Variants in OPN5 observed in about 807,000 individuals in gnomAD.
OPN5 encodes opsin-5.
In OPN5, 18 loss-of-function variants were observed where a neutral mutation model predicts 41.7. That is an observed-to-expected ratio of 0.43 (90% CI 0.30 to 0.64). The LOEUF (loss-of-function observed/expected upper bound fraction) is 0.64. OPN5 is among the 30% of genes least tolerant of loss of function. The pLI is 0.13. For synonymous variants in OPN5, 178 were observed against 164.3 expected (o/e 1.08, Z -0.64); for missense variants, 318 against 434.5 (o/e 0.73, Z 2.38).
intron 6 of OPN5, chr6:47,823,617 G>A (rs189939006): frequency 8.5e-6 from 3 of 353,094 alleles, no homozygotes; most frequent in Non-Finnish European, 1.0e-5. Flanking sequence ...CAGTACAGGT[G>A]AGTAGGGAGA....
At chr6:47,820,966 A>C (rs1158498205) in intron 6 of OPN5, among the ~76,000 whole-genome samples, 1 of 152,200 alleles carries the variant, frequency 6.6e-6, no homozygotes, top group Non-Finnish European at 1.5e-5. Flanking sequence ...GTATTCTTAT[A>C]ATAAAGTAAG....
At chr6:47,794,153 G>A (rs921881262) in intron 3 of OPN5, among the ~76,000 whole-genome samples, 21 of 152,140 alleles carry the variant, frequency 1.4e-4, no homozygotes, top group Admixed American at 6.6e-5. Flanking sequence ...ATATAGTCTT[G>A]CATGCACAAG....
At chr6:47,804,441 A>G (rs1773887011) in intron 4 of OPN5, among the ~76,000 whole-genome samples, 1 of 152,244 alleles carries the variant, frequency 6.6e-6, no homozygotes, top group Admixed American at 6.5e-5. Context: ...AGGAAAGTCA[A>G]AAACAGACTG....
chr6:47,824,361 CTG>C, exon 7 of OPN5: 1 of 293,046 alleles, frequency 3.4e-6, no homozygotes, highest in Non-Finnish European at 6.4e-6. Context: ...GTGTCTCTGA[CTG>C]GAGCAGCTAC....
At chr6:47,799,651 G>A (rs1241307673) in intron 4 of OPN5, among the ~76,000 whole-genome samples, 2 of 152,144 alleles carry the variant, frequency 1.3e-5, no homozygotes, top group Non-Finnish European at 2.9e-5. Flanking sequence ...TCTTGGCTGG[G>A]GCCCTGGGAA....
At chr6:47,803,792 T>C (rs942246001) in intron 4 of OPN5, among the ~76,000 whole-genome samples, 2 of 152,174 alleles carry the variant, frequency 1.3e-5, no homozygotes, top group African/African-American at 4.8e-5. Flanking sequence ...AAATAGTTGT[T>C]CCTAGAAAAT....
intron 4 of OPN5, among the ~76,000 whole-genome samples, chr6:47,795,776 T>TCACACA (rs879658004): frequency 5.1e-4 from 53 of 104,142 alleles, no homozygotes; most frequent in Middle Eastern, 4.5e-3. Context: ...TCTCTCTCTC[T>TCACACA]CTCACACACA....
At chr6:47,807,724 A>G (rs191900418) in intron 4 of OPN5, among the ~76,000 whole-genome samples, 11 of 152,228 alleles carry the variant, frequency 7.2e-5, no homozygotes, top group African/African-American at 2.2e-4. Flanking sequence ...AGAATTTCAA[A>G]CTAGGGCAGA....
At chr6:47,783,213 A>G (rs1773124476) in intron 1 of OPN5, among the ~76,000 whole-genome samples, 1 of 152,152 alleles carries the variant, frequency 6.6e-6, no homozygotes, top group Non-Finnish European at 1.5e-5. Flanking sequence ...ATTTAAATTT[A>G]AGAAAAGAAA....
chr6:47,810,859 TG>T (rs1270232964), intron 5 of OPN5, among the ~76,000 whole-genome samples: 1 of 152,170 alleles, frequency 6.6e-6, no homozygotes, highest in African/African-American at 2.4e-5. Flanking sequence ...TGCTCCACCC[TG>T]GCTGTGTAAT....
chr6:47,787,126 A>G, intron 2 of OPN5: 2 of 980,664 alleles, frequency 2.0e-6, no homozygotes, highest in Non-Finnish European at 2.4e-6. Flanking sequence ...TGCTGATGAT[A>G]TATGTAATCA....
intron 3 of OPN5, among the ~76,000 whole-genome samples, chr6:47,793,000 A>G (rs36086469): frequency 2.5e-5 from 3 of 119,490 alleles, no homozygotes; most frequent in Non-Finnish European, 5.4e-5. Context: ...TTTTTTTTTT[A>G]AAGTTTACAT....
chr6:47,814,312 G>GT (rs1480980309), intron 6 of OPN5, among the ~76,000 whole-genome samples: 6 of 152,058 alleles, frequency 3.9e-5, no homozygotes, highest in African/African-American at 1.4e-4. Flanking sequence ...TTGTACAAAC[G>GT]TCCCTGAAGA....
chr6:47,818,737 T>C (rs1289712605), intron 6 of OPN5, among the ~76,000 whole-genome samples: 1 of 152,170 alleles, frequency 6.6e-6, no homozygotes. Flanking sequence ...ATGAGATACC[T>C]CGGCAGGCAT....
chr6:47,797,885 T>A (rs1047012237), intron 4 of OPN5, among the ~76,000 whole-genome samples: 1 of 152,184 alleles, frequency 6.6e-6, no homozygotes, highest in Non-Finnish European at 1.5e-5. Context: ...CATTCTAGCA[T>A]CTTGTCCTCT....
At chr6:47,808,323 T>C (rs1295284200) in exon 5 of OPN5, 1 of 1,613,944 alleles carries the variant, frequency 6.2e-7, no homozygotes, top group African/African-American at 1.3e-5. Context: ...TACCAAGTTA[T>C]TGATTACAAA....
intron 5 of OPN5, among the ~76,000 whole-genome samples, chr6:47,809,166 G>A (rs943532345): frequency 2.6e-5 from 4 of 152,100 alleles, no homozygotes; most frequent in Non-Finnish European, 5.9e-5. Flanking sequence ...GTCCACTCAT[G>A]GTCAGTATTA....
exon 1 of OPN5, chr6:47,782,065 G>C: frequency 6.2e-7 from 1 of 1,613,262 alleles, no homozygotes; most frequent in Non-Finnish European, 8.5e-7. Context: ...TTCGAGAACA[G>C]AATGGCGTTA....
chr6:47,796,789 A>T (rs1561894515), intron 4 of OPN5, among the ~76,000 whole-genome samples: 1 of 152,174 alleles, frequency 6.6e-6, no homozygotes, highest in Non-Finnish European at 1.5e-5. Context: ...TTGGAGTTAT[A>T]CAAAGATCTC....
Sources: gnomAD v4.1 joint callset for allele counts (sites outside exome capture counted in the v4.1 genomes callset) on GRCh38, gnomAD v4.1.1 for gene constraint, MANE v1.5 for transcripts, NCBI Gene and HGNC (gene_info 2026-07-23, HGNC 2026-07-21) for gene names.